Variants in CD2AP observed in about 807,000 individuals in gnomAD.
CD2AP encodes the protein CD2-associated protein.
Under a neutral mutation model 85.1 loss-of-function variants are expected in CD2AP, and 46 were observed. The observed-to-expected ratio is 0.54, with a 90% CI of 0.43 to 0.69. The LOEUF (loss-of-function observed/expected upper bound fraction) is 0.69. CD2AP is among the 30% of genes least tolerant of loss of function. The pLI is 0.00. For synonymous variants in CD2AP, 255 were observed against 252.9 expected, an observed-to-expected ratio of 1.01 and a Z score of -0.08; for missense variants, 769 against 729.5, an observed-to-expected ratio of 1.05 and a Z score of -0.62.
intron 17 of CD2AP, 136 bp from the exon 18 acceptor site, chr6:47,624,050 A>T: frequency 2.8e-6 from 2 of 719,428 alleles, no homozygotes; most frequent in East Asian, 2.7e-5. Flanking sequence ...AAATTATAGC[A>T]TGGGAAACTG....
intron 1 of CD2AP, among the ~76,000 whole-genome samples, chr6:47,492,971 C>T (rs779938021): frequency 4.6e-5 from 7 of 152,170 alleles, no homozygotes; most frequent in African/African-American, 7.2e-5. Flanking sequence ...TTAAATAACA[C>T]TGCAACACTT....
chr6:47,618,039 C>T (rs1769641813), intron 17 of CD2AP, among the ~76,000 whole-genome samples: 1 of 152,144 alleles, frequency 6.6e-6, no homozygotes, highest in South Asian at 2.1e-4. Flanking sequence ...AATTTAGTGG[C>T]CGGGCACGGT....
intron 2 of CD2AP, among the ~76,000 whole-genome samples, chr6:47,515,971 A>C (rs1179325229): frequency 6.6e-6 from 1 of 152,226 alleles, no homozygotes; most frequent in Non-Finnish European, 1.5e-5. Flanking sequence ...AGGTAATTAG[A>C]AAATGAAGCT....
intron 1 of CD2AP, among the ~76,000 whole-genome samples, chr6:47,487,468 A>T (rs2113962633): frequency 6.6e-6 from 1 of 152,310 alleles, no homozygotes; most frequent in African/African-American, 2.4e-5. Flanking sequence ...AGGCGGACAG[A>T]TCACAAGGTC....
chr6:47,608,664 T>C lies in CD2AP; in HGVS notation c.1633-459T>C, dbSNP rs143665843. 3.8e-3 allele frequency among the ~76,000 whole-genome samples: 581 copies of C among 152,330 alleles called. 15 individuals are homozygous for C. The highest frequency in any genetic ancestry group is 3.8e-4 in the Non-Finnish European group (26 of 68,006). On this transcript the variant is annotated intron_variant, in intron 15 of 17. Coordinates refer to ENST00000359314, the MANE Select transcript of CD2AP (RefSeq NM_012120.3). ...TTATTAAAGTGACTTTCTATTTTTTTAGTGAAATAGTTAAGGGGTGTCAGG... is the reference window on the plus strand; with the variant it reads ...TTATTAAAGTGACTTTCTATTTTTTCAGTGAAATAGTTAAGGGGTGTCAGG...
chr6:47,488,885 T>C lies in CD2AP; in HGVS notation c.4+10637T>C, dbSNP rs991931107. Among the ~76,000 whole-genome samples, 5 of 152,066 alleles carry C rather than the reference T, an allele frequency of 3.3e-5. No homozygotes were observed. The East Asian group carries it at 7.7e-4, about 23-fold the overall frequency. On this transcript the variant is annotated intron_variant, in intron 1 of 17. Transcript: ENST00000359314. ...CAGCCTGTGCAACTGAGTGAGTCTT[T>C]CTTAAAAAAAAAATTAATAATTTAG...
At chr6:47,478,591 C>G (rs1765366793) in intron 1 of CD2AP, among the ~76,000 whole-genome samples, 1 of 152,224 alleles carries the variant, frequency 6.6e-6, no homozygotes, top group Non-Finnish European at 1.5e-5. Flanking sequence ...CTTCCTCATC[C>G]CCTTGCTTCC....
intron 4 of CD2AP, among the ~76,000 whole-genome samples, chr6:47,551,951 A>G (rs1254754561): frequency 6.6e-6 from 1 of 152,088 alleles, no homozygotes; most frequent in Non-Finnish European, 1.5e-5. Flanking sequence ...AGCACATATT[A>G]GCTTTATTGC....
intron 12 of CD2AP, 56 bp from the exon 13 acceptor site, chr6:47,599,245 T>A (rs1038927691): frequency 5.5e-6 from 8 of 1,448,842 alleles, no homozygotes; most frequent in Non-Finnish European, 2.9e-6. Flanking sequence ...AATCACAATT[T>A]AAAAAAAAGT....
At chr6:47,600,947 A>C (rs899872687) in intron 13 of CD2AP, among the ~76,000 whole-genome samples, 1 of 151,874 alleles carries the variant, frequency 6.6e-6, no homozygotes, top group Non-Finnish European at 1.5e-5. Flanking sequence ...ATGTTGATGG[A>C]GTCCCTTTGG....
chr6:47,588,906 A>G (rs1582595992), intron 11 of CD2AP, among the ~76,000 whole-genome samples: 1 of 152,126 alleles, frequency 6.6e-6, no homozygotes, highest in Non-Finnish European at 1.5e-5. Context: ...CTCTAGACCA[A>G]TGAAACTTAT....
At chr6:47,508,698 C>T (rs1237554598) in intron 2 of CD2AP, among the ~76,000 whole-genome samples, 1 of 151,990 alleles carries the variant, frequency 6.6e-6, no homozygotes, top group African/African-American at 2.4e-5. Flanking sequence ...GGGCGTGCCA[C>T]CACGCCCAGC....
intron 2 of CD2AP, among the ~76,000 whole-genome samples, chr6:47,513,521 CATA>C (rs1766371676): frequency 6.6e-6 from 1 of 151,974 alleles, no homozygotes; most frequent in Non-Finnish European, 1.5e-5. Flanking sequence ...GAAGTTTTCA[CATA>C]ATAAGTGGTA....
chr6:47,501,294 A>G (rs1765990845), intron 1 of CD2AP, among the ~76,000 whole-genome samples: 1 of 152,180 alleles, frequency 6.6e-6, no homozygotes, highest in Admixed American at 6.5e-5. Context: ...TGTATGTTTA[A>G]TTGTATGTGA....
intron 17 of CD2AP, among the ~76,000 whole-genome samples, chr6:47,615,929 G>A (rs1435266839): frequency 2.0e-5 from 3 of 150,962 alleles, no homozygotes; most frequent in African/African-American, 7.3e-5. Flanking sequence ...ACAGGCGCCC[G>A]CCACCACACC....
chr6:47,486,666 C>T (rs1352895902), intron 1 of CD2AP, among the ~76,000 whole-genome samples: 1 of 152,126 alleles, frequency 6.6e-6, no homozygotes, highest in African/African-American at 2.4e-5. Context: ...CAGATGTGTA[C>T]TTTTACCTGA....
intron 11 of CD2AP, among the ~76,000 whole-genome samples, chr6:47,590,215 T>C (rs900071633): frequency 2.0e-5 from 3 of 151,962 alleles, no homozygotes; most frequent in Non-Finnish European, 4.4e-5. Context: ...AAAGTAACTG[T>C]GCTTAATAAA....
intron 2 of CD2AP, among the ~76,000 whole-genome samples, chr6:47,504,265 G>C (rs763826786): frequency 2.0e-5 from 3 of 152,198 alleles, no homozygotes; most frequent in African/African-American, 7.2e-5. Flanking sequence ...AGCTCTTCTA[G>C]GAAGGTTAGA....
intron 1 of CD2AP, among the ~76,000 whole-genome samples, chr6:47,500,033 T>C (rs1274030245): frequency 6.6e-6 from 1 of 152,176 alleles, no homozygotes; most frequent in African/African-American, 2.4e-5. Flanking sequence ...CTGCAGGAGT[T>C]AAGAATTTTA....
Sources: gnomAD v4.1 joint callset for allele counts (sites outside exome capture counted in the v4.1 genomes callset) on GRCh38, gnomAD v4.1.1 for gene constraint, MANE v1.5 for transcripts, NCBI Gene and HGNC (gene_info 2026-07-23, HGNC 2026-07-21) for gene names.